The following SLC24A2 variants were observed in gnomAD, a reference collection of about 807,000 sequenced individuals.
SLC24A2 encodes the protein sodium/potassium/calcium exchanger 2.
A neutral mutation model predicts 62.0 loss-of-function variants in SLC24A2; 36 were observed. The ratio of observed to expected loss-of-function variants is 0.58; its 90% CI spans 0.44 to 0.77. The LOEUF (loss-of-function observed/expected upper bound fraction) is 0.77, where lower values mean the gene tolerates loss of function less well. Among genes scored for constraint, SLC24A2 ranks in the 30% least tolerant of loss-of-function variants. SLC24A2 has a pLI of 0.00. For missense variants in SLC24A2, 846 were observed against 817.9 expected (o/e 1.03, Z -0.42); for synonymous variants, 358 against 294.0 (o/e 1.22, Z -2.23).
At chr9:20,199,438 T>G in the SLC24A2 span, among the ~76,000 whole-genome samples, 2 of 152,206 alleles carry the variant, frequency 1.3e-5, no homozygotes, top group African/African-American at 4.8e-5. Context: ...AGATGGACTT[T>G]GCTTCTTAAC....
chr9:20,177,780 C>A, the SLC24A2 span, among the ~76,000 whole-genome samples: 1 of 152,086 alleles, frequency 6.6e-6, no homozygotes, highest in Non-Finnish European at 1.5e-5. Context: ...ATACCACATA[C>A]AGTATACTAT....
chr9:20,300,332 T>G, the SLC24A2 span, among the ~76,000 whole-genome samples: 3 of 152,236 alleles, frequency 2.0e-5, no homozygotes, highest in Non-Finnish European at 2.9e-5. Context: ...ATTGAGCTCC[T>G]CCATCAAACT....
the SLC24A2 span, chr9:19,967,597 G>A: frequency 6.6e-6 from 1 of 152,166 alleles, no homozygotes; most frequent in African/African-American, 2.4e-5. Context: ...TTTATATCAA[G>A]CCCTCCTGTT....
chr9:19,597,144 G>T, intron 5 of SLC24A2, 85 bp downstream of exon 5: 1 of 889,626 alleles, frequency 1.1e-6, no homozygotes, highest in Non-Finnish European at 1.9e-6. Flanking sequence ...CATGCAGAGA[G>T]GAAAAAAAAG....
At chr9:19,552,955 T>A (rs1440063986) in intron 7 of SLC24A2, among the ~76,000 whole-genome samples, 1 of 152,230 alleles carries the variant, frequency 6.6e-6, no homozygotes, top group Non-Finnish European at 1.5e-5. Context: ...TAGCTGTTGC[T>A]AGGGCAGAAA....
intron 2 of SLC24A2, among the ~76,000 whole-genome samples, chr9:19,648,301 A>C (rs1362631069): frequency 6.6e-6 from 1 of 152,218 alleles, no homozygotes; most frequent in Non-Finnish European, 1.5e-5. Context: ...CCAAATAAGA[A>C]TAATACAGTT....
chr9:19,935,734 T>C, the SLC24A2 span, among the ~76,000 whole-genome samples: 1 of 152,174 alleles, frequency 6.6e-6, no homozygotes, highest in Non-Finnish European at 1.5e-5. Context: ...GTCCCCCACG[T>C]GTCTGATGTG....
the SLC24A2 span, among the ~76,000 whole-genome samples, chr9:20,026,220 G>C: frequency 6.6e-6 from 1 of 152,118 alleles, no homozygotes; most frequent in Non-Finnish European, 1.5e-5. Context: ...AAAAAAATAG[G>C]GAATGGTGCT....
At chr9:19,616,627 G>C (rs570797467) in intron 4 of SLC24A2, among the ~76,000 whole-genome samples, 1 of 152,104 alleles carries the variant, frequency 6.6e-6, no homozygotes, top group African/African-American at 2.4e-5. Flanking sequence ...TAATCTTCCT[G>C]AGCCTTCATC....
At chr9:19,919,667 TCA>T in the SLC24A2 span, among the ~76,000 whole-genome samples, 1 of 152,186 alleles carries the variant, frequency 6.6e-6, no homozygotes, top group African/African-American at 2.4e-5. Context: ...TTTAATTGAC[TCA>T]CAGTTCTGCA....
intron 5 of SLC24A2, among the ~76,000 whole-genome samples, chr9:19,582,633 C>T (rs989745896): frequency 3.9e-5 from 6 of 152,096 alleles, no homozygotes; most frequent in African/African-American, 1.4e-4. Context: ...TATGGCTTGC[C>T]AGGTAGCTTA....
chr9:19,950,064 T>C, the SLC24A2 span, among the ~76,000 whole-genome samples: 20 of 152,294 alleles, frequency 1.3e-4, no homozygotes, highest in African/African-American at 3.8e-4. Flanking sequence ...AGCATGGGTA[T>C]AGTGGTTAAA....
chr9:20,020,577 G>T, the SLC24A2 span, among the ~76,000 whole-genome samples: 6 of 152,172 alleles, frequency 3.9e-5, no homozygotes, highest in East Asian at 1.9e-4. Flanking sequence ...GTCAGCAGGT[G>T]GGGGGCTAGG....
the SLC24A2 span, among the ~76,000 whole-genome samples, chr9:20,075,386 T>C: frequency 6.6e-6 from 1 of 152,190 alleles, no homozygotes; most frequent in South Asian, 2.1e-4. Context: ...CCTAAGCTAG[T>C]TAGCAGCAAA....
the SLC24A2 span, among the ~76,000 whole-genome samples, chr9:20,243,038 T>C: frequency 6.6e-5 from 10 of 152,182 alleles, no homozygotes; most frequent in African/African-American, 2.2e-4. Context: ...GTTTTATTTC[T>C]CAGCTGGTGG....
rs545951049 is a variant in SLC24A2 at position 19,696,514 on chromosome 9, A to G, written c.931-74215T>C. Among the ~76,000 whole-genome samples the G allele has an allele frequency of 1.2e-4, 19 of 152,278 alleles. No individual in the cohort carries two copies. The East Asian group carries it at 1.5e-3, about 12-fold the overall frequency. ...AGTCTGGGAGGTTGGCAGGAAGGAA[A>G]GTAACTGGGATGTGTATTCAGAGAA... is the stretch of plus-strand genomic sequence containing the variant. On this transcript the variant is annotated intron_variant, in intron 2 of 10. Coordinates refer to ENST00000341998, the MANE Select transcript of SLC24A2 (RefSeq NM_020344.4).
chr9:19,960,329 T>G, the SLC24A2 span, among the ~76,000 whole-genome samples: 1 of 152,312 alleles, frequency 6.6e-6, no homozygotes, highest in Non-Finnish European at 1.5e-5. Flanking sequence ...TTCCTTCCCT[T>G]CCCTTCCATT....
At chr9:19,819,202 G>A in the SLC24A2 span, among the ~76,000 whole-genome samples, 7 of 152,232 alleles carry the variant, frequency 4.6e-5, no homozygotes, top group South Asian at 8.3e-4. Context: ...ACCAACTCAA[G>A]ATGGATTAAA....
chr9:19,619,854 G>A (rs917516206), intron 3 of SLC24A2, among the ~76,000 whole-genome samples, 162 bp from the exon 4 acceptor site: 1 of 152,204 alleles, frequency 6.6e-6, no homozygotes, highest in African/African-American at 2.4e-5. Flanking sequence ...CTGAGGGAAT[G>A]GCTCTCTCAC....
Sources: allele counts gnomAD v4.1 joint callset (sites outside exome capture counted in the v4.1 genomes callset), GRCh38; gene constraint gnomAD v4.1.1; transcripts MANE v1.5; gene names NCBI Gene and HGNC (gene_info 2026-07-23, HGNC 2026-07-21).